The following EFCAB11 variants were observed in gnomAD, a reference collection of about 807,000 sequenced individuals.
The protein encoded by EFCAB11 is EF-hand calcium binding domain 11.
EFCAB11 carries 14 observed loss-of-function variants against 23.0 expected under a neutral mutation model. The observed-to-expected ratio is 0.61, with a 90% CI of 0.40 to 0.95. EFCAB11 has a LOEUF of 0.95. EFCAB11 is among the 40% of genes least tolerant of loss of function. The pLI, the probability that EFCAB11 is intolerant of heterozygous loss-of-function variation, is 0.00. For synonymous variants in EFCAB11, 65 were observed against 66.6 expected, an observed-to-expected ratio of 0.98 and a Z score of 0.11; for missense variants, 198 against 195.8, an observed-to-expected ratio of 1.01 and a Z score of -0.07.
chr14:89,888,964 G>C lies in EFCAB11; in HGVS notation c.410+42577C>G, dbSNP rs567976381. On this transcript the variant is annotated intron_variant, in intron 5 of 5. Coordinates refer to ENST00000316738, the MANE Select transcript of EFCAB11 (RefSeq NM_145231.4). ...CTAAATTTCAGAAAATACCAAAAGG[G>C]AAATACAGAAAGAACCATGGCAGTA... Among the ~76,000 whole-genome samples, 21 of 152,256 alleles carry C rather than the reference G, an allele frequency of 1.4e-4. 1 individual carries two copies. Among genetic ancestry groups the C allele is most frequent in the African/African-American group, 5.1e-4 (21 of 41,540 alleles).
intron 5 of EFCAB11, among the ~76,000 whole-genome samples, chr14:89,883,363 T>G (rs1016816275): frequency 6.6e-6 from 1 of 152,214 alleles, no homozygotes; most frequent in Non-Finnish European, 1.5e-5. Context: ...TATATAAATA[T>G]AGTCATCGCT....
chr14:89,796,296 G>GT lies in EFCAB11; in HGVS notation c.*946dup, dbSNP rs546094304. The GT allele has an allele frequency of 4.7e-4, 72 of 151,678 alleles. No individual in the cohort carries two copies. In the South Asian group the frequency reaches 8.3e-3, roughly 18 times the overall value. 9.4% of individuals were successfully genotyped at this position (151,678 alleles called of 1,614,324 possible). ...CATTATCTTAGAGAAGTCTTTATAT[G>GT]TTTTTTTTTAATTGAAAGTGTTTTT... On this transcript the variant is annotated 3_prime_UTR_variant, in exon 6 of 6. Coordinates refer to ENST00000316738, the MANE Select transcript of EFCAB11 (RefSeq NM_145231.4).
intron 5 of EFCAB11, among the ~76,000 whole-genome samples, chr14:89,807,233 G>A (rs1022458423): frequency 6.6e-6 from 1 of 152,324 alleles, no homozygotes. Flanking sequence ...GCATAATGAT[G>A]AAGAAAATTA....
At chr14:89,923,575 T>C (rs766652374) in intron 5 of EFCAB11, 15 of 645,768 alleles carry the variant, frequency 2.3e-5, no homozygotes, top group Non-Finnish European at 2.9e-5. Context: ...ACAGAAGGTA[T>C]AGCTGATGAC....
chr14:89,879,557 A>G (rs1288967961), intron 5 of EFCAB11, among the ~76,000 whole-genome samples: 1 of 152,188 alleles, frequency 6.6e-6, no homozygotes, highest in Non-Finnish European at 1.5e-5. Context: ...ACAAACAGAA[A>G]AACTCCCAAA....
At chr14:89,817,127 T>C (rs1886360102) in intron 5 of EFCAB11, among the ~76,000 whole-genome samples, 1 of 152,120 alleles carries the variant, frequency 6.6e-6, no homozygotes, top group South Asian at 2.1e-4. Flanking sequence ...AATAATAGGA[T>C]ATTTTATTAT....
intron 5 of EFCAB11, among the ~76,000 whole-genome samples, chr14:89,930,637 T>C (rs1418454708): frequency 2.0e-5 from 3 of 152,232 alleles, no homozygotes; most frequent in Non-Finnish European, 2.9e-5. Context: ...AGCAACCATC[T>C]TGAAGCAAGA....
chr14:89,925,640 GTTTC>G lies in EFCAB11; in HGVS notation c.410+5897_410+5900del, dbSNP rs1344714463. Among the ~76,000 whole-genome samples the G allele has an allele frequency of 7.7e-5, 10 of 130,004 alleles. No homozygotes were observed. The East Asian group carries it at 1.3e-3, about 17-fold the overall frequency. The allele number at this position is 130,004 out of a possible 152,430, so 85.3% of individuals were successfully genotyped here. ...AGCTCTAAGAGGAATACAAAGTTAT[GTTTC>G]TTTCTTTTTTTTTTTTTTTGAGATG... is the stretch of plus-strand genomic sequence containing the variant. On this transcript the variant is annotated intron_variant, in intron 5 of 5. Transcript: ENST00000316738.
chr14:89,876,866 G>A lies in EFCAB11; in HGVS notation c.410+54675C>T, dbSNP rs114608923. On this transcript the variant is annotated intron_variant, in intron 5 of 5. Coordinates refer to ENST00000316738, the MANE Select transcript of EFCAB11 (RefSeq NM_145231.4). ...ACACTGAATGAAGAAGCTCTACAAC[G>A]GCTGTAGGACCAGATCTTCATGAAC... 1.1e-3 allele frequency among the ~76,000 whole-genome samples: 169 copies of A among 152,218 alleles called. 1 individual carries two copies. The highest frequency in any genetic ancestry group is 3.8e-3 in the African/African-American group (157 of 41,528).
At chr14:89,951,311 A>T (rs1308111905) in intron 2 of EFCAB11, among the ~76,000 whole-genome samples, 1 of 151,892 alleles carries the variant, frequency 6.6e-6, no homozygotes, top group African/African-American at 2.4e-5. Context: ...ACCACATCCA[A>T]TCAGTCATCA....
chr14:89,824,413 A>T (rs1281404949), intron 5 of EFCAB11, among the ~76,000 whole-genome samples: 4 of 152,168 alleles, frequency 2.6e-5, no homozygotes, highest in Admixed American at 6.5e-5. Flanking sequence ...TACGAAATGG[A>T]AAACTGGATC....
intron 5 of EFCAB11, among the ~76,000 whole-genome samples, chr14:89,855,635 T>C (rs1203967836): frequency 6.6e-6 from 1 of 152,090 alleles, no homozygotes; most frequent in Non-Finnish European, 1.5e-5. Context: ...GTGGCAAAAA[T>C]AGCTAAAATC....
chr14:89,869,675 CAACAGCTACCTTGGGTTGCTGTG>C (rs771922375), intron 5 of EFCAB11, among the ~76,000 whole-genome samples: 8 of 152,186 alleles, frequency 5.3e-5, no homozygotes, highest in Non-Finnish European at 1.0e-4. Flanking sequence ...GGGATGGTGA[CAACAGCTACCTTGGGTTGCTGTG>C]AAGAGTAAAT....
intron 5 of EFCAB11, among the ~76,000 whole-genome samples, chr14:89,860,344 A>C (rs1320004733): frequency 1.3e-5 from 2 of 151,778 alleles, no homozygotes; most frequent in African/African-American, 2.4e-5. Context: ...AGCCTGGGCG[A>C]CAAGAGTGAA....
At chr14:89,919,207 A>C (rs1455494363) in intron 5 of EFCAB11, among the ~76,000 whole-genome samples, 2 of 76,824 alleles carry the variant, frequency 2.6e-5, no homozygotes, top group Non-Finnish European at 4.0e-5. Context: ...AGAGAGACAG[A>C]GAGAGAGAGA....
At chr14:89,954,767 C>A, upstream of EFCAB11, 1 of 1,487,714 alleles carries the variant, frequency 6.7e-7, no homozygotes, top group Non-Finnish European at 9.0e-7. Context: ...GGAAGCCGAA[C>A]TTCACCGCGC....
intron 5 of EFCAB11, among the ~76,000 whole-genome samples, chr14:89,885,137 A>C (rs796970970): frequency 5.3e-5 from 8 of 152,372 alleles, no homozygotes; most frequent in African/African-American, 1.9e-4. Flanking sequence ...AAACAATTGT[A>C]TATCTAAATA....
At chr14:89,837,769 G>T (rs933638249) in intron 5 of EFCAB11, among the ~76,000 whole-genome samples, 1 of 152,098 alleles carries the variant, frequency 6.6e-6, no homozygotes, top group African/African-American at 2.4e-5. Context: ...AAAGACATGG[G>T]GTCTGAGGTT....
At chr14:89,950,033 A>G in intron 3 of EFCAB11, 64 bp downstream of exon 3, 1 of 1,451,130 alleles carries the variant, frequency 6.9e-7, no homozygotes, top group African/African-American at 1.4e-5. Flanking sequence ...TGATGTAGGG[A>G]CACAGCCAAG....
Sources: gnomAD v4.1 joint callset for allele counts (sites outside exome capture counted in the v4.1 genomes callset) on GRCh38, gnomAD v4.1.1 for gene constraint, MANE v1.5 for transcripts, NCBI Gene and HGNC (gene_info 2026-07-23, HGNC 2026-07-21) for gene names.